The following SLCO4C1 variants were observed in gnomAD, a reference collection of about 807,000 sequenced individuals.
The protein encoded by SLCO4C1 is organic anion transporter M1.
SLCO4C1 carries 58 observed loss-of-function variants against 72.1 expected under a neutral mutation model. That is an observed-to-expected ratio of 0.80 (90% CI 0.65 to 1.00). SLCO4C1 has a LOEUF of 1.00. Among genes scored for constraint, SLCO4C1 ranks in the 50% least tolerant of loss-of-function variants. The probability of loss-of-function intolerance (pLI) is 0.00; values close to 1 mark genes in which losing one functional copy is unlikely to be tolerated. For synonymous variants in SLCO4C1, 297 were observed against 312.5 expected (o/e 0.95, Z 0.52); for missense variants, 898 against 857.9 (o/e 1.05, Z -0.58).
At chr5:102,270,852 A>T (rs1379871756) in intron 2 of SLCO4C1, 46 bp from the exon 3 acceptor site, 3 of 1,426,130 alleles carry the variant, frequency 2.1e-6, no homozygotes, top group Non-Finnish European at 2.8e-6. Context: ...TCAGCTAATA[A>T]TTTAAATTTC....
At chr5:102,260,622 G>C (rs191017965) in intron 5 of SLCO4C1, among the ~76,000 whole-genome samples, 30 of 151,940 alleles carry the variant, frequency 2.0e-4, no homozygotes, top group Non-Finnish European at 3.2e-4. Flanking sequence ...ACATTAAAAT[G>C]AGACAATTTT....
intron 8 of SLCO4C1, among the ~76,000 whole-genome samples, chr5:102,256,349 A>G (rs989619411): frequency 1.3e-5 from 2 of 152,238 alleles, no homozygotes; most frequent in Non-Finnish European, 2.9e-5. Flanking sequence ...TTCTGAGCAA[A>G]GTAGATTATA....
chr5:102,242,577 T>C (rs1421915758), intron 10 of SLCO4C1, among the ~76,000 whole-genome samples: 1 of 151,980 alleles, frequency 6.6e-6, no homozygotes. Flanking sequence ...TCCCAGAAAA[T>C]ATTTCTAGAC....
chr5:102,252,788 GA>G (rs1194731662), intron 8 of SLCO4C1, among the ~76,000 whole-genome samples: 22 of 152,082 alleles, frequency 1.4e-4, no homozygotes, highest in African/African-American at 5.3e-4. Flanking sequence ...GAGGTAACTA[GA>G]AAGCTATTAG....
rs527768491 is a variant in SLCO4C1, at chr5:102,236,629, C to CGT, written c.*227_*228dup. Reference sequence around the variant, plus strand: ...TCGTGTGTGTGTGTGTGTGTGTGCTCGTGTGTGTGTGTGCTGTGTTTTGAG... The same window carrying CGT: ...TCGTGTGTGTGTGTGTGTGTGTGCTCGTGTGTGTGTGTGTGCTGTGTTTTGAG... On this transcript the variant is annotated 3_prime_UTR_variant, in exon 13 of 13. Coordinates refer to ENST00000310954, the MANE Select transcript of SLCO4C1 (RefSeq NM_180991.5). 2.5e-3 allele frequency: 991 copies of CGT among 404,346 alleles called. 11 individuals carry two copies. Among genetic ancestry groups the CGT allele is most frequent in the African/African-American group, 0.019 (852 of 45,790 alleles). 25.0% of individuals were successfully genotyped at this position (404,346 alleles called of 1,614,324 possible).
intron 10 of SLCO4C1, among the ~76,000 whole-genome samples, chr5:102,246,013 C>T (rs1489125999): frequency 1.3e-5 from 2 of 151,312 alleles, no homozygotes; most frequent in Non-Finnish European, 3.0e-5. Flanking sequence ...AACAACATGC[C>T]AAAATCTATG....
At chr5:102,259,744 C>G (rs1195394213) in intron 6 of SLCO4C1, among the ~76,000 whole-genome samples, 53 of 152,032 alleles carry the variant, frequency 3.5e-4, no homozygotes, top group Admixed American at 3.5e-3. Context: ...TTTCAGAATT[C>G]TCAAATATAT....
At position 102,261,792 on chromosome 5, in the gene SLCO4C1, G is replaced by C. The variant is rs899500213; in HGVS notation, c.1021+120C>G. 4 of 997,328 alleles carry C rather than the reference G, an allele frequency of 4.0e-6. No homozygotes were observed. The Admixed American group carries it at 1.3e-4, about 32-fold the overall frequency. 61.8% of individuals were successfully genotyped at this position (997,328 alleles called of 1,614,324 possible). On this transcript the variant is annotated intron_variant, in intron 5 of 12. Transcript: ENST00000310954. ...GAATATTCAAAAGTTTACATAGGCA[G>C]ACAGTTGAGATTCTATAAAAGAAAC...
intron 6 of SLCO4C1, among the ~76,000 whole-genome samples, chr5:102,258,823 T>A (rs992211625): frequency 6.6e-6 from 1 of 151,690 alleles, no homozygotes; most frequent in Non-Finnish European, 1.5e-5. Flanking sequence ...CAGAGCCACA[T>A]AGACTGACAA....
At chr5:102,255,340 A>G (rs963498529) in intron 8 of SLCO4C1, among the ~76,000 whole-genome samples, 11 of 152,304 alleles carry the variant, frequency 7.2e-5, no homozygotes, top group Non-Finnish European at 1.5e-4. Flanking sequence ...AGACAATATT[A>G]AATGGATTCA....
chr5:102,274,297 A>G (rs1448070776), intron 2 of SLCO4C1, among the ~76,000 whole-genome samples: 2 of 152,324 alleles, frequency 1.3e-5, no homozygotes, highest in East Asian at 3.9e-4. Context: ...ATTTAGAGGA[A>G]CACTGCCAAT....
chr5:102,243,785 G>A (rs919812580), intron 10 of SLCO4C1, among the ~76,000 whole-genome samples: 14 of 152,118 alleles, frequency 9.2e-5, no homozygotes, highest in Admixed American at 2.6e-4. Flanking sequence ...AATATGTGAC[G>A]TTTCAGACAG....
At chr5:102,239,857 A>G (rs962046764) in intron 11 of SLCO4C1, among the ~76,000 whole-genome samples, 1 of 152,094 alleles carries the variant, frequency 6.6e-6, no homozygotes, top group Non-Finnish European at 1.5e-5. Flanking sequence ...ATACAAATAT[A>G]TAGTCTTATA....
rs1413786961 is a variant in SLCO4C1, at chr5:102,295,939, C to T, written c.324G>A (p.Leu108=). 1.2e-6 allele frequency: 2 copies of T among 1,614,106 alleles called. No homozygotes were observed. The highest frequency in any genetic ancestry group is 1.7e-6 in the Non-Finnish European group (2 of 1,179,938). The change falls in exon 1 of 13, where the codon CTG becomes CTA. Residue 108 remains leucine (L), a synonymous_variant. Coordinates refer to ENST00000310954, the MANE Select transcript of SLCO4C1 (RefSeq NM_180991.5). The stretch of plus-strand genomic sequence containing the variant: ...TGACGGCCAAGAGGCAGTAGTGAAG[C>T]AGAAAGCCTCCAGGTGTGTTGCAGC... ...LQRCNTPGGF[L]LHYCLLAVTQ...
At chr5:102,283,625 C>T (rs1409791976) in intron 2 of SLCO4C1, among the ~76,000 whole-genome samples, 1 of 151,274 alleles carries the variant, frequency 6.6e-6, no homozygotes, top group Non-Finnish European at 1.5e-5. Flanking sequence ...TAATCATTAC[C>T]TTCCACACAA....
chr5:102,295,821 C>A (rs1749638937), intron 1 of SLCO4C1, 87 bp downstream of exon 1: 2 of 1,351,634 alleles, frequency 1.5e-6, no homozygotes, highest in Non-Finnish European at 2.0e-6. Flanking sequence ...CCCACGGACC[C>A]CGCGCACCTG....
chr5:102,239,380 G>C lies in SLCO4C1; in HGVS notation c.1885C>G (p.Pro629Ala), dbSNP rs751621537. 1 of 1,576,604 alleles carries C rather than the reference G, an allele frequency of 6.3e-7. No homozygotes were observed. Among genetic ancestry groups the C allele is most frequent in the Admixed American group, 1.9e-5 (1 of 53,910 alleles). Reference protein sequence around the residue: ...FMVLRLLGTIPGPIIFGFTID... With the variant: ...FMVLRLLGTIAGPIIFGFTID... Reference sequence around the variant, plus strand: ...GTGAAACCAAATATAATTGGTCCAGGAATTGTCCCTAAAAGAATTATGGGT... The same window carrying C: ...GTGAAACCAAATATAATTGGTCCAGCAATTGTCCCTAAAAGAATTATGGGT... The change falls in exon 12 of 13, where the codon CCT (proline) becomes GCT (alanine). Residue 629 changes from proline (P) to alanine (A), a missense_variant. By Grantham distance (27) the Pro-to-Ala change is conservative. Coordinates refer to ENST00000310954, the MANE Select transcript of SLCO4C1 (RefSeq NM_180991.5).
Position 102,236,721 on chromosome 5 carries a change from A to T in SLCO4C1, c.*137T>A. On this transcript the variant is annotated 3_prime_UTR_variant, in exon 13 of 13. Transcript: ENST00000310954. The stretch of plus-strand genomic sequence containing the variant: ...AAAACAAAAACTACATAAGTAAAAA[A>T]ATACATTTGATTATAAAAACATCAA... 2 of 1,019,578 alleles carry T rather than the reference A, an allele frequency of 2.0e-6. No homozygotes were observed. Among genetic ancestry groups the T allele is most frequent in the Non-Finnish European group, 2.8e-6 (2 of 707,330 alleles). The allele number at this position is 1,019,578 out of a possible 1,614,324, so 63.2% of individuals were successfully genotyped here.
intron 1 of SLCO4C1, among the ~76,000 whole-genome samples, chr5:102,294,467 GC>G (rs1263923538): frequency 1.3e-5 from 2 of 152,000 alleles, no homozygotes; most frequent in African/African-American, 2.4e-5. Flanking sequence ...ACAATTTTAG[GC>G]AATATTTTAT....
Sources: allele counts gnomAD v4.1 joint callset (sites outside exome capture counted in the v4.1 genomes callset), GRCh38; gene constraint gnomAD v4.1.1; transcripts MANE v1.5; gene names NCBI Gene and HGNC (gene_info 2026-07-23, HGNC 2026-07-21).